EBF1: variants seen among roughly 807,000 people sequenced by gnomAD.
EBF1 encodes the protein EBF transcription factor 1.
In EBF1, 10 loss-of-function variants were observed where a neutral mutation model predicts 68.4. That is an observed-to-expected ratio of 0.15 (90% CI 0.09 to 0.25). EBF1 has a LOEUF of 0.25. Among genes scored for constraint, EBF1 ranks in the 10% least tolerant of loss-of-function variants. The pLI is 1.00. For synonymous variants in EBF1, 298 were observed against 299.8 expected (o/e 0.99, Z 0.06); for missense variants, 509 against 794.4 (o/e 0.64, Z 4.32).
At chr5:158,765,936 T>C (rs977529061) in intron 10 of EBF1, among the ~76,000 whole-genome samples, 2 of 152,198 alleles carry the variant, frequency 1.3e-5, no homozygotes, top group Non-Finnish European at 2.9e-5. Context: ...ATCAGCATGC[T>C]GAACTATATA....
chr5:158,782,863 C>T (rs940194252), intron 9 of EBF1, among the ~76,000 whole-genome samples: 1 of 152,000 alleles, frequency 6.6e-6, no homozygotes. Context: ...ATACTCAACT[C>T]TTGTTTTCTA....
At chr5:158,815,513 A>G (rs1783543458) in intron 8 of EBF1, among the ~76,000 whole-genome samples, 1 of 152,224 alleles carries the variant, frequency 6.6e-6, no homozygotes, top group Non-Finnish European at 1.5e-5. Flanking sequence ...ATAAATGCTA[A>G]TAGTTTAAAA....
chr5:159,073,433 G>A lies in EBF1; in HGVS notation c.517C>T (p.Arg173Ter), dbSNP rs1408453713. ...RCCDKKSCGN[R>*]NETPSDPVII... Reference sequence around the variant, plus strand: ...ACTGGATCTGAGGGAGTCTCATTTCGGTTGCCACAGCTTTTCTTGTCACAA... The same window carrying A: ...ACTGGATCTGAGGGAGTCTCATTTCAGTTGCCACAGCTTTTCTTGTCACAA... Residue 173 changes from arginine to a stop codon, truncating the protein, a stop_gained, in exon 6 of 16, where the codon CGA becomes TGA. Transcript: ENST00000313708. LOFTEE classifies it high-confidence loss of function. The A allele has an allele frequency of 1.2e-6, 2 of 1,614,050 alleles. No individual in the cohort carries two copies. Among genetic ancestry groups the A allele is most frequent in the Admixed American group, 1.7e-5 (1 of 60,016 alleles).
intron 7 of EBF1, among the ~76,000 whole-genome samples, chr5:158,830,317 GC>G (rs1787238719): frequency 6.6e-6 from 1 of 152,014 alleles, no homozygotes; most frequent in African/African-American, 2.4e-5. Context: ...CTGTCACCAG[GC>G]CGGACTGCAG....
At chr5:158,839,053 T>G (rs970212996) in intron 7 of EBF1, among the ~76,000 whole-genome samples, 6 of 152,192 alleles carry the variant, frequency 3.9e-5, no homozygotes, top group African/African-American at 1.4e-4. Context: ...TTTCAGCACT[T>G]TTAAGTCAGA....
chr5:158,796,256 G>A (rs753572261), intron 9 of EBF1, 89 bp downstream of exon 9: 5 of 1,327,610 alleles, frequency 3.8e-6, no homozygotes, highest in Non-Finnish European at 3.9e-6. Context: ...GGCACCACTA[G>A]AGTCTACACA....
intron 6 of EBF1, among the ~76,000 whole-genome samples, chr5:158,946,249 G>C (rs1814653761): frequency 6.6e-6 from 1 of 152,102 alleles, no homozygotes; most frequent in Non-Finnish European, 1.5e-5. Flanking sequence ...GTGATCCTTT[G>C]GAGGAGAAGA....
intron 8 of EBF1, among the ~76,000 whole-genome samples, chr5:158,814,438 C>G (rs1174403979): frequency 6.6e-6 from 1 of 152,214 alleles, no homozygotes. Context: ...TCCCCTACAA[C>G]ACACAACACA....
At chr5:159,083,164 A>G (rs1780023404) in intron 5 of EBF1, among the ~76,000 whole-genome samples, 1 of 152,216 alleles carries the variant, frequency 6.6e-6, no homozygotes, top group Admixed American at 6.5e-5. Context: ...CATGTAGTAC[A>G]ACATGGAAAA....
intron 6 of EBF1, among the ~76,000 whole-genome samples, chr5:159,071,796 A>G (rs1214658022): frequency 6.6e-6 from 1 of 152,186 alleles, no homozygotes; most frequent in African/African-American, 2.4e-5. Flanking sequence ...GTCATCATCT[A>G]AACCAAAAGG....
chr5:159,016,507 T>C (rs1026388026), intron 6 of EBF1, among the ~76,000 whole-genome samples: 1 of 152,164 alleles, frequency 6.6e-6, no homozygotes, highest in Non-Finnish European at 1.5e-5. Flanking sequence ...ATAACGATGA[T>C]AGGAAATTTT....
chr5:158,750,611 G>A (rs1055106083), intron 10 of EBF1, among the ~76,000 whole-genome samples: 4 of 152,100 alleles, frequency 2.6e-5, no homozygotes, highest in South Asian at 2.1e-4. Flanking sequence ...TTTACGGCTA[G>A]ATATAATTTC....
At chr5:158,728,475 C>G (rs892526929) in intron 11 of EBF1, among the ~76,000 whole-genome samples, 1 of 152,222 alleles carries the variant, frequency 6.6e-6, no homozygotes, top group Non-Finnish European at 1.5e-5. Flanking sequence ...ACACAAAACT[C>G]AACCCTAGAT....
intron 4 of EBF1, among the ~76,000 whole-genome samples, chr5:159,090,864 G>T (rs572780150): frequency 1.4e-4 from 22 of 151,868 alleles, no homozygotes; most frequent in Non-Finnish European, 3.2e-4. Flanking sequence ...CACTTAATTT[G>T]TACCAGTCGC....
intron 6 of EBF1, among the ~76,000 whole-genome samples, chr5:159,073,097 T>C (rs1480263646): frequency 6.6e-6 from 1 of 152,242 alleles, no homozygotes; most frequent in Non-Finnish European, 1.5e-5. Flanking sequence ...ATTATTATTT[T>C]ATTTCTGAAG....
intron 6 of EBF1, among the ~76,000 whole-genome samples, chr5:158,949,339 TC>T (rs1473991109): frequency 6.6e-6 from 1 of 152,132 alleles, no homozygotes; most frequent in Non-Finnish European, 1.5e-5. Flanking sequence ...TAAAACGTTT[TC>T]ATTATGGGCA....
rs531922866 is a variant in EBF1, at chr5:158,818,271, C to T, written c.778+4905G>A. ...CTCAAACCATCTTTCTCCACATTTC[C>T]GTAAAAACATGAAAACAAACAAACA... On this transcript the variant is annotated intron_variant, in intron 8 of 15. Transcript: ENST00000313708. Among the ~76,000 whole-genome samples the T allele has an allele frequency of 6.6e-5, 10 of 152,170 alleles. No individual in the cohort carries two copies. In the South Asian group the frequency reaches 1.7e-3, roughly 25 times the overall value.
rs542689498 is a variant in EBF1, at chr5:159,021,030, G to A, written c.554+52366C>T. Among the ~76,000 whole-genome samples the A allele has an allele frequency of 1.6e-3, 242 of 152,314 alleles. 1 individual carries two copies. The highest frequency in any genetic ancestry group is 2.9e-3 in the Non-Finnish European group (196 of 68,022). On this transcript the variant is annotated intron_variant, in intron 6 of 15. Coordinates refer to ENST00000313708, the MANE Select transcript of EBF1 (RefSeq NM_024007.5). ...AAGACTCGCTCCGGGGTGTGTTTCA[G>A]TCTTCTCTCTCTTGCACCCCTGACA...
chr5:159,013,906 C>T (rs566727313), intron 6 of EBF1, among the ~76,000 whole-genome samples: 103 of 152,288 alleles, frequency 6.8e-4, no homozygotes, highest in Non-Finnish European at 1.4e-3. Flanking sequence ...ATGCCTCTCT[C>T]CTAAGCCAAT....
Sources: gnomAD v4.1 joint callset for allele counts (sites outside exome capture counted in the v4.1 genomes callset) on GRCh38, gnomAD v4.1.1 for gene constraint, MANE v1.5 for transcripts, NCBI Gene and HGNC (gene_info 2026-07-23, HGNC 2026-07-21) for gene names.